The following PPFIA2 variants were observed in gnomAD, a reference collection of about 807,000 sequenced individuals.
PPFIA2 encodes PPFI scaffold protein A2.
Under a neutral mutation model 175.5 loss-of-function variants are expected in PPFIA2, and 46 were observed. The ratio of observed to expected loss-of-function variants is 0.26; its 90% confidence interval spans 0.21 to 0.34. PPFIA2 has a LOEUF of 0.34. PPFIA2 is among the 10% of genes least tolerant of loss of function. PPFIA2 has a pLI of 1.00. For synonymous variants in PPFIA2, 568 were observed against 511.4 expected (o/e 1.11, Z -1.49); for missense variants, 1,179 against 1,506.1 (o/e 0.78, Z 3.60).
intron 4 of PPFIA2, among the ~76,000 whole-genome samples, chr12:81,571,844 G>A (rs1358489655): frequency 6.6e-6 from 1 of 151,888 alleles, no homozygotes; most frequent in African/African-American, 2.4e-5. Context: ...AATTTTTGTC[G>A]ACACATTGTA....
At chr12:81,709,608 G>A (rs1440859685) in intron 3 of PPFIA2, among the ~76,000 whole-genome samples, 1 of 151,720 alleles carries the variant, frequency 6.6e-6, no homozygotes, top group Non-Finnish European at 1.5e-5. Flanking sequence ...CTATTTGCTA[G>A]CAAGGTTTTT....
intron 4 of PPFIA2, among the ~76,000 whole-genome samples, chr12:81,517,828 A>G (rs1308191871): frequency 2.0e-5 from 3 of 151,884 alleles, no homozygotes; most frequent in African/African-American, 7.3e-5. Flanking sequence ...ATTACCACAT[A>G]CAAGCTATTA....
intron 7 of PPFIA2, among the ~76,000 whole-genome samples, chr12:81,432,208 G>A (rs1233313916): frequency 1.3e-5 from 2 of 151,920 alleles, no homozygotes; most frequent in African/African-American, 2.4e-5. Flanking sequence ...TCTGTCTTCC[G>A]AACTTCATTC....
At chr12:81,547,950 CTGT>C (rs1183763966) in intron 4 of PPFIA2, among the ~76,000 whole-genome samples, 2 of 152,186 alleles carry the variant, frequency 1.3e-5, no homozygotes, top group East Asian at 3.9e-4. Flanking sequence ...ACTCCCATAG[CTGT>C]TGTTAGGATT....
chr12:81,718,835 A>G (rs73348344), intron 3 of PPFIA2, among the ~76,000 whole-genome samples: 1 of 151,768 alleles, frequency 6.6e-6, no homozygotes, highest in African/African-American at 2.4e-5. Context: ...CAGAGGATGC[A>G]TGCTCACTGT....
chr12:81,617,536 T>C (rs1456191288), intron 4 of PPFIA2, among the ~76,000 whole-genome samples: 1 of 152,204 alleles, frequency 6.6e-6, no homozygotes, highest in Non-Finnish European at 1.5e-5. Flanking sequence ...CCTGTAAACA[T>C]GTAGATCAGG....
chr12:81,278,078 G>A (rs1054217325), intron 27 of PPFIA2, among the ~76,000 whole-genome samples: 10 of 152,284 alleles, frequency 6.6e-5, no homozygotes, highest in East Asian at 3.9e-4. Context: ...TGTGGTTAGC[G>A]AGACACACAT....
chr12:81,529,049 C>A (rs2064116902), intron 4 of PPFIA2, among the ~76,000 whole-genome samples: 1 of 151,894 alleles, frequency 6.6e-6, no homozygotes, highest in Non-Finnish European at 1.5e-5. Context: ...GAAATGAAAA[C>A]TCATATCAAA....
At chr12:81,368,095 T>C in intron 13 of PPFIA2, 8 of 1,286,996 alleles carry the variant, frequency 6.2e-6, no homozygotes, top group Non-Finnish European at 8.1e-6. Flanking sequence ...CCGGGTTTTA[T>C]ACCCTACCTT....
At chr12:81,512,640 G>C (rs769540801) in intron 4 of PPFIA2, among the ~76,000 whole-genome samples, 2 of 151,772 alleles carry the variant, frequency 1.3e-5, no homozygotes, top group Non-Finnish European at 2.9e-5. Flanking sequence ...CCTGTCATTC[G>C]AGCAATATAC....
At chr12:81,512,431 T>C (rs2061915272) in intron 4 of PPFIA2, 1 of 1,000,732 alleles carries the variant, frequency 1.0e-6, no homozygotes, top group East Asian at 7.5e-5. Context: ...ATGGAATTTT[T>C]CTTTAATCTA....
At chr12:81,639,813 C>T (rs772007776) in intron 4 of PPFIA2, among the ~76,000 whole-genome samples, 10 of 151,990 alleles carry the variant, frequency 6.6e-5, no homozygotes, top group African/African-American at 9.7e-5. Context: ...AAATTATATA[C>T]GTGAGGACAA....
chr12:81,270,174 T>C (rs572771835), intron 28 of PPFIA2, among the ~76,000 whole-genome samples: 3 of 152,368 alleles, frequency 2.0e-5, no homozygotes, highest in Non-Finnish European at 2.9e-5. Flanking sequence ...AATAGAATTG[T>C]TATGTGTTTA....
At chr12:81,744,885 T>C (rs1351121521) in intron 3 of PPFIA2, among the ~76,000 whole-genome samples, 1 of 152,160 alleles carries the variant, frequency 6.6e-6, no homozygotes, top group African/African-American at 2.4e-5. Flanking sequence ...CACTTACAAA[T>C]TGTGTGGTGC....
At chr12:81,692,963 A>G (rs900857606) in intron 3 of PPFIA2, among the ~76,000 whole-genome samples, 1 of 152,132 alleles carries the variant, frequency 6.6e-6, no homozygotes, top group Non-Finnish European at 1.5e-5. Context: ...CTAGTTGACA[A>G]TAATGTTTAA....
At chr12:81,668,175 G>A (rs894580758) in intron 4 of PPFIA2, among the ~76,000 whole-genome samples, 15 of 152,000 alleles carry the variant, frequency 9.9e-5, no homozygotes, top group African/African-American at 3.6e-4. Flanking sequence ...TGGCAAAACA[G>A]CTGACATCCT....
At chr12:81,336,139 G>T (rs977409017) in intron 21 of PPFIA2, among the ~76,000 whole-genome samples, 1 of 152,104 alleles carries the variant, frequency 6.6e-6, no homozygotes, top group African/African-American at 2.4e-5. Context: ...TTTTTCAAAA[G>T]ATATATAAAA....
intron 30 of PPFIA2, among the ~76,000 whole-genome samples, chr12:81,266,034 C>G (rs1290831466): frequency 6.6e-6 from 1 of 152,142 alleles, no homozygotes; most frequent in African/African-American, 2.4e-5. Flanking sequence ...GACTGTAGAA[C>G]TTATCTCTCT....
At chr12:81,449,016 C>T (rs2051880197) in intron 5 of PPFIA2, among the ~76,000 whole-genome samples, 2 of 152,128 alleles carry the variant, frequency 1.3e-5, no homozygotes, top group Non-Finnish European at 2.9e-5. Flanking sequence ...TGAATATTAC[C>T]TCTGAGCTAG....
Sources: gnomAD v4.1 joint callset for allele counts (sites outside exome capture counted in the v4.1 genomes callset) on GRCh38, gnomAD v4.1.1 for gene constraint, MANE v1.5 for transcripts, NCBI Gene and HGNC (gene_info 2026-07-23, HGNC 2026-07-21) for gene names.